Variants in ITFG1 observed in about 807,000 individuals in gnomAD.
The protein encoded by ITFG1 is integrin alpha FG-GAP repeat containing 1, also known as T-cell immunomodulatory protein.
In ITFG1, 34 loss-of-function variants were observed where a neutral mutation model predicts 81.8. The observed-to-expected ratio is 0.42, with a 90% CI of 0.32 to 0.55. The LOEUF (loss-of-function observed/expected upper bound fraction) is 0.55, where lower values mean the gene tolerates loss of function less well. ITFG1 is among the 20% of genes least tolerant of loss of function. ITFG1 has a pLI of 0.17. For synonymous variants in ITFG1, 285 were observed against 270.6 expected (o/e 1.05, Z -0.52); for missense variants, 672 against 755.4 (o/e 0.89, Z 1.29).
In ITFG1 at chr16:47,162,607, C is replaced by G. The variant is rs776776455; in HGVS notation, c.1511G>C (p.Gly504Ala). 1 of 1,612,476 alleles carries G rather than the reference C, an allele frequency of 6.2e-7. No individual in the cohort carries two copies. The highest frequency in any genetic ancestry group is 8.5e-7 in the Non-Finnish European group (1 of 1,179,068). Residue 504 changes from glycine to alanine, a missense_variant, in exon 15 of 18, where the codon GGT becomes GCT. Coordinates refer to ENST00000320640, the MANE Select transcript of ITFG1 (RefSeq NM_030790.5). ...LALQLPYNVL[G>A]LGRSANFLDH... ...AAGAAAATTTGCGCTCCGACCTAAACCAAGCACGTTGTATGGTAGTTGGAG... is the reference window on the plus strand; with the variant it reads ...AAGAAAATTTGCGCTCCGACCTAAAGCAAGCACGTTGTATGGTAGTTGGAG...
At chr16:47,215,060 T>C (rs1195486879) in intron 14 of ITFG1, among the ~76,000 whole-genome samples, 1 of 152,152 alleles carries the variant, frequency 6.6e-6, no homozygotes, top group Non-Finnish European at 1.5e-5. Flanking sequence ...TTTATTCTAT[T>C]AAGTAAAATA....
chr16:47,459,291 A>T, intron 1 of ITFG1, 116 bp from the exon 2 acceptor site: 1 of 672,640 alleles, frequency 1.5e-6, no homozygotes, highest in South Asian at 1.7e-5. Flanking sequence ...ATTCTACTCC[A>T]GTTCATCTGC....
In ITFG1 at chr16:47,161,737, G is replaced by C. The variant is rs371720690; in HGVS notation, c.1661+13C>G. 8 of 1,571,198 alleles carry C rather than the reference G, an allele frequency of 5.1e-6. No individual in the cohort carries two copies. The highest frequency in any genetic ancestry group is 7.0e-6 in the Non-Finnish European group (8 of 1,141,408). ...CAGTGTCTTTACCAAATCGGTTCAA[G>C]CAAGTACATTACCTTCGAGGGACAT... On this transcript the variant is annotated intron_variant, in intron 16 of 17. Transcript: ENST00000320640.
At chr16:47,457,217 G>A (rs1168832658) in intron 2 of ITFG1, among the ~76,000 whole-genome samples, 1 of 151,670 alleles carries the variant, frequency 6.6e-6, no homozygotes, top group East Asian at 1.9e-4. Context: ...AGACTGAGGT[G>A]GGAGAATAGC....
Position 47,291,192 on chromosome 16 carries a change from A to G in ITFG1, c.1070+20048T>C, listed in dbSNP as rs529982913. ...TTACAGTTACAGTATTCTCGGTCGT[A>G]TCATGTAAAACAATTATTTTTTCTT... On this transcript the variant is annotated intron_variant, in intron 10 of 17. Transcript: ENST00000320640. 8.0e-4 allele frequency among the ~76,000 whole-genome samples: 122 copies of G among 152,290 alleles called. 1 individual carries two copies. Among genetic ancestry groups the G allele is most frequent in the African/African-American group, 2.8e-3 (116 of 41,568 alleles).
chr16:47,423,794 T>A (rs1418323513), intron 6 of ITFG1, among the ~76,000 whole-genome samples: 1 of 152,232 alleles, frequency 6.6e-6, no homozygotes, highest in Admixed American at 6.5e-5. Flanking sequence ...TGCTGAGAGA[T>A]CCGCTGTTAG....
chr16:47,350,719 C>T (rs1967939337), intron 8 of ITFG1, among the ~76,000 whole-genome samples: 1 of 152,270 alleles, frequency 6.6e-6, no homozygotes, highest in African/African-American at 2.4e-5. Flanking sequence ...TTTTATGAGG[C>T]CAGCATCATC....
At chr16:47,169,100 C>T (rs1316113635) in intron 14 of ITFG1, among the ~76,000 whole-genome samples, 1 of 152,074 alleles carries the variant, frequency 6.6e-6, no homozygotes, top group Admixed American at 6.5e-5. Flanking sequence ...GTCTTTTTGC[C>T]AGCACTATGC....
intron 7 of ITFG1, among the ~76,000 whole-genome samples, chr16:47,366,359 G>A (rs1405536620): frequency 6.6e-6 from 1 of 152,082 alleles, no homozygotes; most frequent in East Asian, 1.9e-4. Context: ...GAAATGAGAG[G>A]AGAATTTCAT....
chr16:47,206,511 C>G (rs979880296), intron 14 of ITFG1, among the ~76,000 whole-genome samples: 1 of 152,172 alleles, frequency 6.6e-6, no homozygotes, highest in Non-Finnish European at 1.5e-5. Context: ...AACTCCATAC[C>G]TATCAGCAGT....
chr16:47,339,643 T>C (rs1967754897), intron 8 of ITFG1, among the ~76,000 whole-genome samples: 1 of 151,692 alleles, frequency 6.6e-6, no homozygotes, highest in South Asian at 2.1e-4. Context: ...ACAGTGAACT[T>C]GAAAATAGGA....
At chr16:47,199,536 A>ATC (rs1965399432) in intron 14 of ITFG1, among the ~76,000 whole-genome samples, 1 of 152,170 alleles carries the variant, frequency 6.6e-6, no homozygotes, top group African/African-American at 2.4e-5. Context: ...CTGTGTTATA[A>ATC]CTGCCTACAG....
At chr16:47,330,751 G>T (rs1057272042) in intron 8 of ITFG1, among the ~76,000 whole-genome samples, 1 of 152,056 alleles carries the variant, frequency 6.6e-6, no homozygotes, top group African/African-American at 2.4e-5. Context: ...TCAGAGAAAT[G>T]CAAATCAAAA....
chr16:47,215,601 A>G (rs1965616473), intron 14 of ITFG1, among the ~76,000 whole-genome samples: 1 of 152,206 alleles, frequency 6.6e-6, no homozygotes, highest in Non-Finnish European at 1.5e-5. Flanking sequence ...CCCATGACCA[A>G]GAGATAATTG....
chr16:47,348,646 A>C (rs577303319), intron 8 of ITFG1, among the ~76,000 whole-genome samples: 55 of 152,350 alleles, frequency 3.6e-4, no homozygotes, highest in African/African-American at 1.3e-3. Flanking sequence ...ACAGGATATT[A>C]TCCAGGAGAA....
chr16:47,278,920 T>G (rs942416124), intron 10 of ITFG1, among the ~76,000 whole-genome samples: 1 of 152,230 alleles, frequency 6.6e-6, no homozygotes, highest in Non-Finnish European at 1.5e-5. Flanking sequence ...ATTCTTACAT[T>G]TCTTCTGCAT....
At chr16:47,227,470 T>G (rs978225289) in intron 13 of ITFG1, among the ~76,000 whole-genome samples, 1 of 152,166 alleles carries the variant, frequency 6.6e-6, no homozygotes, top group South Asian at 2.1e-4. Flanking sequence ...TTGGCACCCT[T>G]TTTCTCATTC....
At chr16:47,161,141 T>C (rs1964798307) in intron 16 of ITFG1, among the ~76,000 whole-genome samples, 1 of 152,188 alleles carries the variant, frequency 6.6e-6, no homozygotes, top group Non-Finnish European at 1.5e-5. Flanking sequence ...ATGAATAAAA[T>C]TTAAGGATTT....
chr16:47,262,277 A>G (rs1229725846), intron 10 of ITFG1, among the ~76,000 whole-genome samples: 1 of 152,248 alleles, frequency 6.6e-6, no homozygotes, highest in African/African-American at 2.4e-5. Context: ...GACTTTGTTC[A>G]TGACCTATTA....
Sources: gnomAD v4.1 joint callset for allele counts (sites outside exome capture counted in the v4.1 genomes callset) on GRCh38, gnomAD v4.1.1 for gene constraint, MANE v1.5 for transcripts, NCBI Gene and HGNC (gene_info 2026-07-23, HGNC 2026-07-21) for gene names.